PPP4R3C: variants seen among roughly 807,000 people sequenced by gnomAD.
PPP4R3C encodes the protein protein PPP4R3C.
For synonymous variants in PPP4R3C, 150 were observed against 86.5 expected, an observed-to-expected ratio of 1.73 and a Z score of -4.07; for missense variants, 372 against 237.3, an observed-to-expected ratio of 1.57 and a Z score of -3.73.
chrX:27,461,025 C>T lies in PPP4R3C; in HGVS notation c.2272G>A (p.Glu758Lys), dbSNP rs756314014. ...FMETKRNQEHEGKVDSPKRTS... is the reference protein window; with the variant it reads ...FMETKRNQEHKGKVDSPKRTS... ...CTTTTGGGAGAGTCTACCTTGCCTT[C>T]ATGTTCTTGGTTTCTTTTAGTCTCC... The change falls in exon 1 of 1, where the codon GAA (glutamate) becomes AAA (lysine). Residue 758 changes from glutamate to lysine, a missense_variant. Glu to Lys is a moderately conservative substitution (Grantham distance 56). Transcript: ENST00000412172. 2.0e-6 allele frequency: 1 copy of T among 512,146 alleles called. No homozygotes were observed. Among genetic ancestry groups the T allele is most frequent in the East Asian group, 3.6e-5 (1 of 27,585 alleles). 42.2% of individuals were successfully genotyped at this position (512,146 alleles called of 1,213,427 possible).
In PPP4R3C at chrX:27,462,664, C is replaced by G. The variant is rs5971193; in HGVS notation, c.633G>C (p.Glu211Asp). 5.4e-3 allele frequency: 2,985 copies of G among 555,449 alleles called. 74 individuals are homozygous for G. The African/African-American group carries it at 0.059, about 11-fold the overall frequency. 45.8% of individuals were successfully genotyped at this position (555,449 alleles called of 1,213,427 possible). ...ILFLNEACLF[E>D]IMFSDECIMD... ...TGATACACTCGTCAGAAAACATTAT[C>G]TCAAACAGACATGCCTCGTTGAGGA... The change falls in exon 1 of 1, where the codon GAG (glutamate) becomes GAC (aspartate). Residue 211 changes from glutamate to aspartate, a missense_variant. Coordinates refer to ENST00000412172, the MANE Select transcript of PPP4R3C (RefSeq NM_207319.4).
Position 27,461,085 on chromosome X carries a change from C to A in PPP4R3C, c.2212G>T (p.Val738Phe). 3 of 514,523 alleles carry A rather than the reference C, an allele frequency of 5.8e-6. No homozygotes were observed. The highest frequency in any genetic ancestry group is 1.0e-5 in the Non-Finnish European group (3 of 286,900). The allele number at this position is 514,523 out of a possible 1,213,427, so 42.4% of individuals were successfully genotyped here. Residue 738 changes from valine to phenylalanine, a missense_variant, in exon 1 of 1, where the codon GTT (valine) becomes TTT (phenylalanine). Coordinates refer to ENST00000412172, the MANE Select transcript of PPP4R3C (RefSeq NM_207319.4). ...TCGTCATCTTCCAGTGGTGGCATAA[C>A]TGCTTCTCCTTCTTGGTGGGTTCTT... ...TKRTHQEGEA[V>F]MPPLEDDDEF...
rs1480579407 is a variant in PPP4R3C at position 27,461,561 on chromosome X, C to T, written c.1736G>A (p.Gly579Glu). Residue 579 changes from glycine (G) to glutamate (E), a missense_variant, in exon 1 of 1, where the codon GGA (glycine) becomes GAA (glutamate). Gly to Glu is a moderately conservative substitution (Grantham distance 98). Transcript: ENST00000412172. ...ATTTACAACTGGCTCAAAAAGATTT[C>T]CCTTGATGATGTAATTATTATAAGC... ...DEAYNNYIIKGNLFEPVVNAL... is the reference protein window; with the variant it reads ...DEAYNNYIIKENLFEPVVNAL... 1.9e-6 allele frequency: 1 copy of T among 517,961 alleles called. No homozygotes were observed. Among genetic ancestry groups the T allele is most frequent in the East Asian group, 3.6e-5 (1 of 27,720 alleles). The allele number at this position is 517,961 out of a possible 1,213,427, so 42.7% of individuals were successfully genotyped here.
At position 27,462,936 on chromosome X, in the gene PPP4R3C, A is replaced by G; in HGVS notation, c.361T>C (p.Phe121Leu). The change falls in exon 1 of 1, where the codon TTT becomes CTT. Residue 121 changes from phenylalanine to leucine, a missense_variant. By Grantham distance (22) the Phe-to-Leu change is conservative. Coordinates refer to ENST00000412172, the MANE Select transcript of PPP4R3C (RefSeq NM_207319.4). ...VNISDEPEED[F>L]NEMSVISNMV... is the part of the protein sequence containing the mutation. ...TTACTAATTACTGACATTTCATTAA[A>G]GTCTTCCTCTGGTTCATCTGAAATG... 3.9e-6 allele frequency: 2 copies of G among 515,285 alleles called. No individual in the cohort carries two copies. Among genetic ancestry groups the G allele is most frequent in the Non-Finnish European group, 7.0e-6 (2 of 287,085 alleles). 42.5% of individuals were successfully genotyped at this position (515,285 alleles called of 1,213,427 possible). A position where few individuals can be genotyped will look rare whatever the true frequency, so the allele number is the denominator to read the frequency against.
chrX:27,460,324 CA>C lies in PPP4R3C; in HGVS notation c.*473del, dbSNP rs1922930629. The C allele has an allele frequency of 8.9e-6, 1 of 112,421 alleles. No homozygotes were observed. Among genetic ancestry groups the C allele is most frequent in the African/African-American group, 3.2e-5 (1 of 30,902 alleles). 9.3% of individuals were successfully genotyped at this position (112,421 alleles called of 1,213,427 possible). On this transcript the variant is annotated 3_prime_UTR_variant, in exon 1 of 1. Coordinates refer to ENST00000412172, the MANE Select transcript of PPP4R3C (RefSeq NM_207319.4). ...TTATAGAAATGTCTGAAGAGACTAA[CA>C]TTTTTTATAGTTAACTTTGTTTTTC...
chrX:27,462,001 T>C lies in PPP4R3C; in HGVS notation c.1296A>G (p.Gly432=). The C allele has an allele frequency of 1.9e-6, 1 of 530,656 alleles. No individual in the cohort carries two copies. 43.7% of individuals were successfully genotyped at this position (530,656 alleles called of 1,213,427 possible). The stretch of plus-strand genomic sequence containing the variant: ...GAACTACCATCAAATGAACAGCACC[T>C]CCTAACTCAGGATCAGTATCACAGA... ...QMICDTDPEL[G]GAVHLMVVLH... is the part of the protein sequence containing the mutation. The change falls in exon 1 of 1, where the codon GGA becomes GGG. Residue 432 remains glycine, a synonymous_variant. Transcript: ENST00000412172.
rs753445362 is a variant in PPP4R3C, at chrX:27,461,265, C to A, written c.2032G>T (p.Gly678Trp). 6 of 513,678 alleles carry A rather than the reference C, an allele frequency of 1.2e-5. No homozygotes were observed. The African/African-American group carries it at 1.4e-4, about 12-fold the overall frequency. 42.3% of individuals were successfully genotyped at this position (513,678 alleles called of 1,213,427 possible). A position where few individuals can be genotyped will look rare whatever the true frequency, so the allele number is the denominator to read the frequency against. ...ATAAAACATATTTCTTCTTCCAGCC[C>A]AATTTCTTCTATGGTACCTCTGAAA... The part of the protein sequence containing the change: ...VVFRGTIEEI[G>W]LEEEICFMED... Residue 678 changes from glycine (G) to tryptophan (W), a missense_variant, in exon 1 of 1, where the codon GGG becomes TGG. Transcript: ENST00000412172.
rs1293217889 is a variant in PPP4R3C at position 27,462,999 on chromosome X, C to T, written c.298G>A (p.Ala100Thr). The T allele has an allele frequency of 1.9e-6, 1 of 515,209 alleles. No individual in the cohort carries two copies. The highest frequency in any genetic ancestry group is 2.5e-5 in the South Asian group (1 of 40,740). 42.5% of individuals were successfully genotyped at this position (515,209 alleles called of 1,213,427 possible). Residue 100 changes from alanine to threonine, a missense_variant, in exon 1 of 1, where the codon GCT (alanine) becomes ACT (threonine). Transcript: ENST00000412172. ...CQDIWKEICQ[A>T]QGKDPSIQTT... is the part of the protein sequence containing the mutation. Reference sequence around the variant, plus strand: ...TGGATAGACGGATCCTTACCTTGAGCTTGGCAAATTTCTTTCCAAATATCC... The same window carrying T: ...TGGATAGACGGATCCTTACCTTGAGTTTGGCAAATTTCTTTCCAAATATCC...
In PPP4R3C at chrX:27,461,918, C is replaced by A. The variant is rs1360336988; in HGVS notation, c.1379G>T (p.Ser460Ile). ...TTTGTAGAAGAAATGTAGAAATTCA[C>A]TTCTTTCACTTTTCTCAGGTGTTGT... ...MLTTPEKSER[S>I]EFLHFFYKHC... Residue 460 changes from serine (S) to isoleucine (I), a missense_variant, in exon 1 of 1, where the codon AGT becomes ATT. Physicochemically the swap from Ser to Ile is moderately radical, Grantham distance 142 (BLOSUM62 -2). Transcript: ENST00000412172. 4 of 513,667 alleles carry A rather than the reference C, an allele frequency of 7.8e-6. No homozygotes were observed. The African/African-American group carries it at 9.2e-5, about 12-fold the overall frequency. The allele number at this position is 513,667 out of a possible 1,213,427, so 42.3% of individuals were successfully genotyped here.
At position 27,460,842 on chromosome X, in the gene PPP4R3C, CTTT is replaced by C; in HGVS notation, c.2452_2454del (p.Lys818del). On this transcript the variant is annotated inframe_deletion, in exon 1 of 1. Coordinates refer to ENST00000412172, the MANE Select transcript of PPP4R3C (RefSeq NM_207319.4). ...TTCTTCTTGGGGGATGTTTCATCTT[CTTT>C]ATCTTCCTCTTTTTCTTCTTCATCT... The C allele has an allele frequency of 2.0e-6, 1 of 512,652 alleles. No homozygotes were observed. The allele number at this position is 512,652 out of a possible 1,213,427, so 42.2% of individuals were successfully genotyped here.
Position 27,462,439 on chromosome X carries a change from A to G in PPP4R3C, c.858T>C (p.Asn286=), listed in dbSNP as rs1922989393. Residue 286 remains asparagine, a synonymous_variant, in exon 1 of 1, where the codon AAT becomes AAC. Coordinates refer to ENST00000412172, the MANE Select transcript of PPP4R3C (RefSeq NM_207319.4). ...LLPVPSIFED[N]FLSTLTTFIF... is the part of the protein sequence containing the mutation. ...TAAAAGTTGTAAGTGTAGAAAGAAAATTATCTTCAAATATGGAAGGCACAG... is the reference window on the plus strand; with the variant it reads ...TAAAAGTTGTAAGTGTAGAAAGAAAGTTATCTTCAAATATGGAAGGCACAG... 2 of 515,323 alleles carry G rather than the reference A, an allele frequency of 3.9e-6. No homozygotes were observed. Among genetic ancestry groups the G allele is most frequent in the East Asian group, 7.2e-5 (2 of 27,757 alleles). The allele number at this position is 515,323 out of a possible 1,213,427, so 42.5% of individuals were successfully genotyped here. A position where few individuals can be genotyped will look rare whatever the true frequency, so the allele number is the denominator to read the frequency against.
chrX:27,462,352 T>G lies in PPP4R3C; in HGVS notation c.945A>C (p.Glu315Asp). Residue 315 changes from glutamate (E) to aspartate (D), a missense_variant, in exon 1 of 1, where the codon GAA (glutamate) becomes GAC (aspartate). Glu to Asp is a conservative substitution (Grantham distance 45, BLOSUM62 2). Coordinates refer to ENST00000412172, the MANE Select transcript of PPP4R3C (RefSeq NM_207319.4). ...MLQKDHKFLY[E>D]VFAQLKDETT... is the part of the protein sequence containing the mutation. ...TCTCATCCTTTAACTGTGCAAAAACTTCATACAAAAATTTGTGATCTTTCT... is the reference window on the plus strand; with the variant it reads ...TCTCATCCTTTAACTGTGCAAAAACGTCATACAAAAATTTGTGATCTTTCT... 1 of 515,230 alleles carries G rather than the reference T, an allele frequency of 1.9e-6. No individual in the cohort carries two copies. Among genetic ancestry groups the G allele is most frequent in the Non-Finnish European group, 3.5e-6 (1 of 287,017 alleles). The allele number at this position is 515,230 out of a possible 1,213,427, so 42.5% of individuals were successfully genotyped here.
Sources: allele counts gnomAD v4.1 joint callset, GRCh38; gene constraint gnomAD v4.1.1; transcripts MANE v1.5; gene names NCBI Gene and HGNC (gene_info 2026-07-23, HGNC 2026-07-21).